Variants in ARFGEF1 observed in about 807,000 individuals in gnomAD.
ARFGEF1 encodes the protein ARF guanine nucleotide exchange factor 1.
Under a neutral mutation model 231.0 loss-of-function variants are expected in ARFGEF1, and 42 were observed. The ratio of observed to expected loss-of-function variants is 0.18; its 90% CI spans 0.14 to 0.24. ARFGEF1 has a LOEUF of 0.24. Among genes scored for constraint, ARFGEF1 ranks in the 10% least tolerant of loss-of-function variants. The pLI, the probability that ARFGEF1 is intolerant of heterozygous loss-of-function variation, is 1.00. For missense variants in ARFGEF1, 1,345 were observed against 2,192.0 expected, an observed-to-expected ratio of 0.61 and a Z score of 7.72; for synonymous variants, 710 against 732.3, an observed-to-expected ratio of 0.97 and a Z score of 0.49.
chr8:67,215,776 A>G (rs1436610953), intron 33 of ARFGEF1, among the ~76,000 whole-genome samples: 2 of 152,226 alleles, frequency 1.3e-5, no homozygotes, highest in East Asian at 1.9e-4. Context: ...ACCATGAGAT[A>G]GTAGGTTTCT....
At chr8:67,327,876 CACA>C (rs995829012) in intron 1 of ARFGEF1, among the ~76,000 whole-genome samples, 25 of 152,206 alleles carry the variant, frequency 1.6e-4, no homozygotes, top group African/African-American at 4.6e-4. Flanking sequence ...CTTGTATTAA[CACA>C]ACATCATTTA....
Position 67,211,617 on chromosome 8 carries a change from TA to T in ARFGEF1, c.4687-3del. On this transcript the variant is annotated splice_polypyrimidine_tract_variant and splice_region_variant and intron_variant, in intron 33 of 38. Transcript: ENST00000262215. Reference sequence around the variant, plus strand: ...TACAGACTTCTGTGATATTGTATCCTAATAAATAAAAAAAAAATCACTGTAA... The same window carrying T: ...TACAGACTTCTGTGATATTGTATCCTATAAATAAAAAAAAAATCACTGTAA... 1 of 1,437,570 alleles carries T rather than the reference TA, an allele frequency of 7.0e-7. No homozygotes were observed. The highest frequency in any genetic ancestry group is 1.5e-5 in the South Asian group (1 of 67,800). 89.1% of individuals were successfully genotyped at this position (1,437,570 alleles called of 1,614,324 possible). A position where few individuals can be genotyped will look rare whatever the true frequency, so the allele number is the denominator to read the frequency against.
In ARFGEF1 at chr8:67,211,564, A is replaced by C; in HGVS notation, c.4738T>G (p.Ser1580Ala). 1 of 1,574,208 alleles carries C rather than the reference A, an allele frequency of 6.4e-7. No homozygotes were observed. Among genetic ancestry groups the C allele is most frequent in the Non-Finnish European group, 8.6e-7 (1 of 1,159,146 alleles). The change falls in exon 34 of 39, where the codon TCT becomes GCT. Residue 1580 changes from serine (S) to alanine (A), a missense_variant. Ser to Ala is a moderately conservative substitution (Grantham distance 99). Around this residue, in one of 14 missense-constraint regions of ARFGEF1, gnomAD observed 89 missense variants for 74.8 expected, o/e 1.19. Coordinates refer to ENST00000262215, the MANE Select transcript of ARFGEF1 (RefSeq NM_006421.5). ...VDIHDSIQPR[S>A]VDNRPQAPLV... ...GGTGCTTGTGGTCTGTTATCCACAG[A>C]CCTTGGTTGAATAGAATCATGAATA...
At chr8:67,299,142 G>T in intron 4 of ARFGEF1, 67 bp downstream of exon 4, 1 of 1,351,498 alleles carries the variant, frequency 7.4e-7, no homozygotes, top group Non-Finnish European at 1.0e-6. Context: ...AATGTTTTAA[G>T]GTGAAAGGCA....
At position 67,302,417 on chromosome 8, in the gene ARFGEF1, G is replaced by A. The variant is rs776604896; in HGVS notation, c.155+19C>T. ...AAGTTTGAAAATTATTTTTACTAAA[G>A]AAAAGAAATCCCACAAACCTCTGTT... On this transcript the variant is annotated intron_variant, in intron 2 of 38. Coordinates refer to ENST00000262215, the MANE Select transcript of ARFGEF1 (RefSeq NM_006421.5). The A allele has an allele frequency of 2.4e-5, 38 of 1,556,620 alleles. No individual in the cohort carries two copies. Among genetic ancestry groups the A allele is most frequent in the Admixed American group, 8.2e-5 (4 of 48,512 alleles).
At position 67,212,530 on chromosome 8, in the gene ARFGEF1, G is replaced by A. The variant is rs77434899; in HGVS notation, c.4687-915C>T. On this transcript the variant is annotated intron_variant, in intron 33 of 38. Coordinates refer to ENST00000262215, the MANE Select transcript of ARFGEF1 (RefSeq NM_006421.5). The stretch of plus-strand genomic sequence containing the variant: ...AAATCCAAAACACTAGCAGCACAGT[G>A]TTGGGCAATAAATGGCAGCTGACCC... 1.9e-3 allele frequency among the ~76,000 whole-genome samples: 296 copies of A among 152,332 alleles called. 3 individuals are homozygous for A. The highest frequency in any genetic ancestry group is 6.3e-3 in the African/African-American group (260 of 41,574).
At chr8:67,180,037 G>A (rs1037294519) in intron 5 of ARFGEF1, 7 of 531,090 alleles carry the variant, frequency 1.3e-5, no homozygotes, top group African/African-American at 6.0e-5. Flanking sequence ...AAAAAAAAAA[G>A]GAATATTCTT....
At chr8:67,214,896 G>A (rs891146451) in intron 33 of ARFGEF1, among the ~76,000 whole-genome samples, 2 of 152,178 alleles carry the variant, frequency 1.3e-5, no homozygotes, top group African/African-American at 4.8e-5. Context: ...AGAAAAAGAA[G>A]AACAACTGAG....
intron 8 of ARFGEF1, among the ~76,000 whole-genome samples, chr8:67,276,883 T>A (rs1395303436): frequency 6.6e-6 from 1 of 152,186 alleles, no homozygotes; most frequent in Non-Finnish European, 1.5e-5. Context: ...CCTTTGTGTA[T>A]GACCTCTGAG....
intron 22 of ARFGEF1, among the ~76,000 whole-genome samples, chr8:67,235,681 G>A (rs1224517038): frequency 6.6e-6 from 1 of 151,964 alleles, no homozygotes; most frequent in African/African-American, 2.4e-5. Flanking sequence ...GAAAGCCTGG[G>A]ACAGGCTTTT....
At chr8:67,328,905 T>C (rs543399352) in intron 1 of ARFGEF1, among the ~76,000 whole-genome samples, 1 of 152,082 alleles carries the variant, frequency 6.6e-6, no homozygotes, top group Non-Finnish European at 1.5e-5. Flanking sequence ...AAAAAAGGAA[T>C]GGAAATACTG....
In ARFGEF1 at chr8:67,267,376, T is replaced by C. The variant is rs1196877628; in HGVS notation, c.1639A>G (p.Met547Val). ...TSTSSFDHKW[M>V]VIQTLTRICA... is the part of the protein sequence containing the mutation. ...ATCCTCGTCAGTGTCTGAATAACCA[T>C]CCATTTGTGATCAAATGAGCTGGTA... Residue 547 changes from methionine to valine, a missense_variant, in exon 11 of 39, where the codon ATG becomes GTG. Physicochemically the swap from Met to Val is conservative, Grantham distance 21 (BLOSUM62 1). Around this residue, in one of 14 missense-constraint regions of ARFGEF1, gnomAD observed 141 missense variants for 259.9 expected, o/e 0.54. Coordinates refer to ENST00000262215, the MANE Select transcript of ARFGEF1 (RefSeq NM_006421.5). 7 of 1,612,032 alleles carry C rather than the reference T, an allele frequency of 4.3e-6. No homozygotes were observed. The highest frequency in any genetic ancestry group is 4.2e-6 in the Non-Finnish European group (5 of 1,179,218).
At chr8:67,318,582 C>CT (rs1247624715) in intron 1 of ARFGEF1, among the ~76,000 whole-genome samples, 2 of 152,150 alleles carry the variant, frequency 1.3e-5, no homozygotes, top group South Asian at 2.1e-4. Context: ...GAAAAAAACT[C>CT]TAAGAACTCA....
chr8:67,197,737 T>C lies in ARFGEF1; in HGVS notation c.*1197A>G. The stretch of plus-strand genomic sequence containing the variant: ...AGAATATGCCAGATGGGAATCAATA[T>C]TGTACAGAAAGTTGTACAGAATTTT... On this transcript the variant is annotated 3_prime_UTR_variant, in exon 39 of 39. Coordinates refer to ENST00000262215, the MANE Select transcript of ARFGEF1 (RefSeq NM_006421.5). The C allele has an allele frequency of 1.0e-6, 1 of 985,790 alleles. No individual in the cohort carries two copies. The highest frequency in any genetic ancestry group is 1.2e-6 in the Non-Finnish European group (1 of 829,856). 61.1% of individuals were successfully genotyped at this position (985,790 alleles called of 1,614,324 possible).
At chr8:67,257,315 T>C (rs1840490127) in intron 17 of ARFGEF1, among the ~76,000 whole-genome samples, 1 of 152,132 alleles carries the variant, frequency 6.6e-6, no homozygotes, top group Non-Finnish European at 1.5e-5. Flanking sequence ...CCTGGACTCA[T>C]GTGATCCGCC....
chr8:67,199,176 T>C, intron 38 of ARFGEF1, 78 bp from the exon 39 acceptor site: 2 of 1,520,980 alleles, frequency 1.3e-6, no homozygotes, highest in Non-Finnish European at 1.8e-6. Context: ...CAAACTACTC[T>C]GGGGCTCCAT....
Position 67,267,092 on chromosome 8 carries a change from T to C in ARFGEF1, c.1811A>G (p.Gln604Arg). The part of the protein sequence containing the change: ...GSQELGMSNV[Q>R]ELSLRKKGLE... ...TGAAAATGTTTTTATAGTTCTTACC[T>C]GAACATTACTCATACCAAGTTCTTG... Residue 604 changes from glutamine to arginine, a missense_variant and splice_region_variant, in exon 12 of 39, where the codon CAG (glutamine) becomes CGG (arginine). By Grantham distance (43) the Gln-to-Arg change is conservative. This residue lies in a region of ARFGEF1 where 141 missense variants were observed against 259.9 expected (regional missense o/e 0.54). Coordinates refer to ENST00000262215, the MANE Select transcript of ARFGEF1 (RefSeq NM_006421.5). 1 of 1,612,686 alleles carries C rather than the reference T, an allele frequency of 6.2e-7. No individual in the cohort carries two copies. Among genetic ancestry groups the C allele is most frequent in the Non-Finnish European group, 8.5e-7 (1 of 1,179,580 alleles).
At chr8:67,337,237 T>C (rs1432436331) in intron 1 of ARFGEF1, among the ~76,000 whole-genome samples, 6 of 151,588 alleles carry the variant, frequency 4.0e-5, no homozygotes, top group Non-Finnish European at 8.8e-5. Context: ...CATTAAAACA[T>C]TCTAAAATAC....
chr8:67,232,850 C>T lies in ARFGEF1; in HGVS notation c.3380+5G>A, dbSNP rs779661505. Reference sequence around the variant, plus strand: ...TCTGAAAAGGGAATAAAATGAATACCTTACCTATCTACAGCAACAACAACA... The same window carrying T: ...TCTGAAAAGGGAATAAAATGAATACTTTACCTATCTACAGCAACAACAACA... On this transcript the variant is annotated splice_donor_5th_base_variant and intron_variant, in intron 23 of 38. Transcript: ENST00000262215. The T allele has an allele frequency of 1.9e-6, 3 of 1,585,034 alleles. No homozygotes were observed. Among genetic ancestry groups the T allele is most frequent in the Non-Finnish European group, 2.6e-6 (3 of 1,159,702 alleles).
Sources: allele counts gnomAD v4.1 joint callset (sites outside exome capture counted in the v4.1 genomes callset), GRCh38; gene constraint gnomAD v4.1.1; regional missense constraint gnomAD v4.1.1; transcripts MANE v1.5; gene names NCBI Gene and HGNC (gene_info 2026-07-23, HGNC 2026-07-21).